Variants in LDB2 observed in about 807,000 individuals in gnomAD.
LDB2 encodes the protein LIM domain binding 2, also known as LIM domain-binding protein 2.
Under a neutral mutation model 44.3 loss-of-function variants are expected in LDB2, and 12 were observed. The observed-to-expected ratio is 0.27, with a 90% confidence interval of 0.17 to 0.44. The LOEUF (loss-of-function observed/expected upper bound fraction) is 0.44, where lower values mean the gene tolerates loss of function less well. Ranked by LOEUF, LDB2 falls within the 20% of genes least tolerant of loss-of-function variation. The pLI, the probability that LDB2 is intolerant of heterozygous loss-of-function variation, is 1.00. For missense variants in LDB2, 344 were observed against 473.5 expected, an observed-to-expected ratio of 0.73 and a Z score of 2.54; for synonymous variants, 164 against 174.8, an observed-to-expected ratio of 0.94 and a Z score of 0.49.
At chr4:16,623,565 G>A (rs112844088) in intron 2 of LDB2, among the ~76,000 whole-genome samples, 2 of 152,164 alleles carry the variant, frequency 1.3e-5, no homozygotes, top group African/African-American at 2.4e-5. Flanking sequence ...CCACTGCACT[G>A]TAGCGTGGCT....
intron 5 of LDB2, among the ~76,000 whole-genome samples, chr4:16,512,506 G>A (rs536575667): frequency 1.3e-5 from 2 of 152,202 alleles, no homozygotes; most frequent in East Asian, 1.9e-4. Context: ...AGCATGCTTC[G>A]ATTTCTACTC....
At chr4:16,574,200 C>CTACTG (rs1366234075) in intron 5 of LDB2, among the ~76,000 whole-genome samples, 1 of 152,218 alleles carries the variant, frequency 6.6e-6, no homozygotes, top group East Asian at 1.9e-4. Context: ...TCAAAAACCA[C>CTACTG]TACTGTGAAA....
At chr4:16,790,504 T>C (rs112514130) in intron 1 of LDB2, among the ~76,000 whole-genome samples, 2 of 150,132 alleles carry the variant, frequency 1.3e-5, no homozygotes, top group African/African-American at 5.0e-5. Flanking sequence ...TGGTTTTCCA[T>C]AGGAAAAAAA....
At chr4:16,566,671 T>C (rs548006786) in intron 5 of LDB2, among the ~76,000 whole-genome samples, 1 of 152,148 alleles carries the variant, frequency 6.6e-6, no homozygotes, top group Non-Finnish European at 1.5e-5. Context: ...CCACATCATC[T>C]CACACAAACA....
chr4:16,559,664 G>A (rs1741283463), intron 5 of LDB2, among the ~76,000 whole-genome samples: 2 of 152,048 alleles, frequency 1.3e-5, no homozygotes, highest in Admixed American at 6.6e-5. Context: ...CAACGAGACA[G>A]AAAGTCAACA....
intron 2 of LDB2, among the ~76,000 whole-genome samples, chr4:16,742,074 C>CTTTTTTTTT (rs33990510): frequency 1.2e-4 from 15 of 128,304 alleles, no homozygotes; most frequent in African/African-American, 2.4e-4. Flanking sequence ...CTTTTCTTTT[C>CTTTTTTTTT]TTTTTTTTTT....
intron 2 of LDB2, among the ~76,000 whole-genome samples, chr4:16,755,472 G>GGT (rs58186199): frequency 0.065 from 7,706 of 118,094 alleles, 341 homozygotes; most frequent in East Asian, 0.11. Context: ...GTAGGAATAG[G>GGT]GTGTGTGTGT....
intron 2 of LDB2, among the ~76,000 whole-genome samples, chr4:16,607,504 T>A (rs527785027): frequency 6.6e-6 from 1 of 152,380 alleles, no homozygotes; most frequent in African/African-American, 2.4e-5. Context: ...AGAAATGATT[T>A]ATGCTCTCTA....
chr4:16,762,195 C>CA (rs553883305), intron 1 of LDB2, among the ~76,000 whole-genome samples: 67 of 146,292 alleles, frequency 4.6e-4, no homozygotes, highest in African/African-American at 1.3e-3. Flanking sequence ...GACCTGGTCT[C>CA]AAAAAAAAAA....
chr4:16,683,270 C>G (rs1053651741), intron 2 of LDB2, among the ~76,000 whole-genome samples: 1 of 152,218 alleles, frequency 6.6e-6, no homozygotes, highest in African/African-American at 2.4e-5. Flanking sequence ...AGGCGTACTT[C>G]CTGCCTTAAT....
chr4:16,835,734 A>G (rs964932854), intron 1 of LDB2, among the ~76,000 whole-genome samples: 2 of 152,194 alleles, frequency 1.3e-5, no homozygotes, highest in South Asian at 4.1e-4. Context: ...TGAGAGTCCT[A>G]ATTGCTCTAT....
intron 1 of LDB2, among the ~76,000 whole-genome samples, chr4:16,807,356 C>A (rs574455480): frequency 6.6e-6 from 1 of 152,178 alleles, no homozygotes; most frequent in East Asian, 1.9e-4. Flanking sequence ...ATTCTTCTAA[C>A]CAGGAATAAT....
intron 5 of LDB2, among the ~76,000 whole-genome samples, chr4:16,578,224 A>C (rs533904947): frequency 1.3e-5 from 2 of 152,304 alleles, no homozygotes; most frequent in Admixed American, 6.5e-5. Context: ...CAAGTTAAAA[A>C]CTTTCTGCAC....
At chr4:16,640,778 T>C (rs1734911435) in intron 2 of LDB2, among the ~76,000 whole-genome samples, 1 of 152,200 alleles carries the variant, frequency 6.6e-6, no homozygotes, top group East Asian at 1.9e-4. Context: ...CTCTACCTTT[T>C]CCTCTGAAAA....
chr4:16,756,501 G>A (rs78745659), intron 2 of LDB2, among the ~76,000 whole-genome samples: 13 of 152,206 alleles, frequency 8.5e-5, no homozygotes, highest in African/African-American at 2.9e-4. Context: ...GTTTGAGTAC[G>A]CCAGTGGACC....
rs1577201210 is a variant in LDB2, at chr4:16,502,306, C to A, written c.*337G>T. On this transcript the variant is annotated 3_prime_UTR_variant, in exon 8 of 8. Transcript: ENST00000304523. ...CACTGAGCATTTATGGACAATATGG[C>A]CTTCGTTTGATGCATAAAAAGGAAA... is the stretch of plus-strand genomic sequence containing the variant. 5 of 274,988 alleles carry A rather than the reference C, an allele frequency of 1.8e-5. No individual in the cohort carries two copies. The highest frequency in any genetic ancestry group is 3.5e-5 in the Non-Finnish European group (5 of 141,922). 17.0% of individuals were successfully genotyped at this position (274,988 alleles called of 1,614,324 possible). A position where few individuals can be genotyped will look rare whatever the true frequency, so the allele number is the denominator to read the frequency against.
chr4:16,678,628 T>C (rs952493950), intron 2 of LDB2, among the ~76,000 whole-genome samples: 12 of 152,078 alleles, frequency 7.9e-5, no homozygotes, highest in Non-Finnish European at 1.3e-4. Context: ...TCTAGAGGAG[T>C]TACTAAGAAA....
chr4:16,567,504 C>T (rs1439853979), intron 5 of LDB2, among the ~76,000 whole-genome samples: 2 of 152,164 alleles, frequency 1.3e-5, no homozygotes, highest in African/African-American at 2.4e-5. Context: ...AACTGCCTCT[C>T]TCTAGAGAGG....
intron 3 of LDB2, among the ~76,000 whole-genome samples, chr4:16,593,488 TGA>T (rs1719816061): frequency 1.3e-5 from 2 of 150,640 alleles, no homozygotes; most frequent in South Asian, 4.2e-4. Flanking sequence ...AACAAAAAAT[TGA>T]GAGAGGAAAA....
Sources: gnomAD v4.1 joint callset for allele counts (sites outside exome capture counted in the v4.1 genomes callset) on GRCh38, gnomAD v4.1.1 for gene constraint, MANE v1.5 for transcripts, NCBI Gene and HGNC (gene_info 2026-07-23, HGNC 2026-07-21) for gene names.